GRID2: variants seen among roughly 807,000 people sequenced by gnomAD.
GRID2 encodes the protein glutamate receptor ionotropic, delta-2.
In GRID2, 33 loss-of-function variants were observed where a neutral mutation model predicts 114.8. That is an observed-to-expected ratio of 0.29 (90% CI 0.22 to 0.38). GRID2 has a LOEUF of 0.38. GRID2 is among the 10% of genes least tolerant of loss of function. The pLI is 1.00. For missense variants in GRID2, 1,184 were observed against 1,257.7 expected (o/e 0.94, Z 0.89); for synonymous variants, 505 against 449.9 (o/e 1.12, Z -1.55).
In GRID2 at chr4:92,305,522, T is replaced by TGCCTCGCCTC. The variant is rs542945235; in HGVS notation, c.88+791_88+800dup. Among the ~76,000 whole-genome samples, 19 of 152,194 alleles carry TGCCTCGCCTC rather than the reference T, an allele frequency of 1.2e-4. No homozygotes were observed. The East Asian group carries it at 1.4e-3, about 11-fold the overall frequency. On this transcript the variant is annotated intron_variant, in intron 1 of 15. Coordinates refer to ENST00000282020, the MANE Select transcript of GRID2 (RefSeq NM_001510.4). ...AGGTCTGCTTAGCAGATATCCGCCT[T>TGCCTCGCCTC]GCCTCGCCTCGCCTCGCCTCGCAGT...
chr4:93,562,932 G>A (rs769774401), intron 13 of GRID2, among the ~76,000 whole-genome samples: 1 of 152,034 alleles, frequency 6.6e-6, no homozygotes, highest in Non-Finnish European at 1.5e-5. Context: ...CTAGATTGCT[G>A]TAGCTTTATG....
At chr4:93,203,611 A>G (rs1476961912) in intron 4 of GRID2, among the ~76,000 whole-genome samples, 1 of 152,204 alleles carries the variant, frequency 6.6e-6, no homozygotes, top group Non-Finnish European at 1.5e-5. Context: ...ATTAAAATTT[A>G]TTAAGATTAG....
chr4:92,765,360 G>A (rs1578161631), intron 2 of GRID2, among the ~76,000 whole-genome samples: 2 of 152,030 alleles, frequency 1.3e-5, no homozygotes, highest in Admixed American at 6.6e-5. Context: ...ATTAAAAATC[G>A]ACGTCCAAAC....
At chr4:92,541,436 A>G (rs1725944403) in intron 1 of GRID2, among the ~76,000 whole-genome samples, 1 of 151,942 alleles carries the variant, frequency 6.6e-6, no homozygotes, top group African/African-American at 2.4e-5. Flanking sequence ...TATATTTGAA[A>G]GCTTCATGGA....
intron 1 of GRID2, among the ~76,000 whole-genome samples, chr4:92,426,381 C>A (rs1473871552): frequency 6.6e-6 from 1 of 152,070 alleles, no homozygotes; most frequent in African/African-American, 2.4e-5. Flanking sequence ...AAGGTATATG[C>A]TTTGCTTAAG....
At chr4:92,964,495 C>A (rs1032017046) in intron 2 of GRID2, among the ~76,000 whole-genome samples, 2 of 151,884 alleles carry the variant, frequency 1.3e-5, no homozygotes, top group African/African-American at 4.8e-5. Context: ...CACATGTATA[C>A]CTATGTAACA....
chr4:93,293,792 C>T (rs1753995648), intron 8 of GRID2, among the ~76,000 whole-genome samples: 1 of 152,190 alleles, frequency 6.6e-6, no homozygotes, highest in South Asian at 2.1e-4. Context: ...CCAAAGCTCA[C>T]TCAGTCATCC....
At chr4:92,608,932 G>A (rs1729587059) in intron 2 of GRID2, among the ~76,000 whole-genome samples, 1 of 151,646 alleles carries the variant, frequency 6.6e-6, no homozygotes, top group Admixed American at 6.6e-5. Context: ...TACTGTAAGT[G>A]CTAAATACCA....
intron 1 of GRID2, among the ~76,000 whole-genome samples, chr4:92,318,303 TA>T (rs1726108462): frequency 3.0e-5 from 4 of 132,406 alleles, no homozygotes; most frequent in African/African-American, 1.2e-4. Flanking sequence ...TATATATATA[TA>T]TATATTTTTT....
At position 93,626,339 on chromosome 4, in the gene GRID2, A is replaced by T; in HGVS notation, c.2264A>T (p.Asp755Val). The change falls in exon 14 of 16, where the codon GAT (aspartate) becomes GTT (valine). Residue 755 changes from aspartate (D) to valine (V), a missense_variant. Asp to Val is a radical substitution (Grantham distance 152). Around this residue, in one of 3 missense-constraint regions of GRID2, gnomAD observed 717 missense variants for 796.9 expected, o/e 0.90. Transcript: ENST00000282020. ...GAATATGTGGCTATCAATGACCCAG[A>T]TTGTTCCTTTTACACCATTGGAAAT... ...VLEYVAINDP[D>V]CSFYTIGNTV... The T allele has an allele frequency of 6.2e-7, 1 of 1,603,660 alleles. No homozygotes were observed.
chr4:92,871,344 G>A (rs936227357), intron 2 of GRID2, among the ~76,000 whole-genome samples: 9 of 151,682 alleles, frequency 5.9e-5, no homozygotes, highest in African/African-American at 1.9e-4. Context: ...CAAGTTAAAA[G>A]GTTAAGTAAA....
At chr4:92,415,718 G>A (rs963559848) in intron 1 of GRID2, among the ~76,000 whole-genome samples, 1 of 110,054 alleles carries the variant, frequency 9.1e-6, no homozygotes, top group Non-Finnish European at 1.9e-5. Context: ...GTATGTGTGT[G>A]TGTGTGTGTG....
At chr4:92,708,892 C>T (rs943807221) in intron 2 of GRID2, among the ~76,000 whole-genome samples, 4 of 151,956 alleles carry the variant, frequency 2.6e-5, no homozygotes, top group Admixed American at 1.3e-4. Flanking sequence ...AGTCTAGCCT[C>T]GGCAACAAGA....
At chr4:93,114,600 C>G (rs1733066054) in intron 4 of GRID2, among the ~76,000 whole-genome samples, 1 of 152,122 alleles carries the variant, frequency 6.6e-6, no homozygotes, top group Non-Finnish European at 1.5e-5. Context: ...CACCTCTATC[C>G]TAGCCTAAGC....
chr4:92,550,321 A>G (rs547876092), intron 1 of GRID2, among the ~76,000 whole-genome samples: 1 of 152,284 alleles, frequency 6.6e-6, no homozygotes, highest in Admixed American at 6.5e-5. Context: ...AATAATTTCC[A>G]TCTACAAAAG....
chr4:92,750,603 T>C (rs1737403667), intron 2 of GRID2, among the ~76,000 whole-genome samples: 2 of 152,338 alleles, frequency 1.3e-5, no homozygotes, highest in African/African-American at 4.8e-5. Context: ...CTATGGGGAA[T>C]AGCACCTGAA....
At chr4:93,100,087 T>C (rs1731570438) in intron 3 of GRID2, among the ~76,000 whole-genome samples, 1 of 151,954 alleles carries the variant, frequency 6.6e-6, no homozygotes, top group African/African-American at 2.4e-5. Context: ...TCCAAACATC[T>C]TATTGAACCA....
intron 5 of GRID2, among the ~76,000 whole-genome samples, chr4:93,211,487 AT>A (rs574875260): frequency 4.6e-5 from 7 of 152,142 alleles, no homozygotes; most frequent in Non-Finnish European, 1.0e-4. Flanking sequence ...AAACATCCAT[AT>A]AAACAAAGCA....
intron 2 of GRID2, among the ~76,000 whole-genome samples, chr4:92,998,026 A>T (rs1755312608): frequency 6.6e-6 from 1 of 152,062 alleles, no homozygotes; most frequent in African/African-American, 2.4e-5. Context: ...CCTTAAGTTC[A>T]AATACTTTGG....
Sources: gnomAD v4.1 joint callset for allele counts (sites outside exome capture counted in the v4.1 genomes callset) on GRCh38, gnomAD v4.1.1 for gene constraint, gnomAD v4.1.1 regional missense constraint, MANE v1.5 for transcripts, NCBI Gene and HGNC (gene_info 2026-07-23, HGNC 2026-07-21) for gene names.